The following LRIF1 variants were observed in gnomAD, a reference collection of about 807,000 sequenced individuals.
LRIF1 encodes ligand dependent nuclear receptor interacting factor 1.
A neutral mutation model predicts 52.7 loss-of-function variants in LRIF1; 32 were observed. That is an observed-to-expected ratio of 0.61 (90% CI 0.46 to 0.82). LRIF1 has a LOEUF of 0.82. Ranked by LOEUF, LRIF1 falls within the 40% of genes least tolerant of loss-of-function variation. The pLI is 0.00. For synonymous variants in LRIF1, 323 were observed against 317.4 expected (o/e 1.02, Z -0.19); for missense variants, 887 against 892.0 (o/e 0.99, Z 0.07).
the LRIF1 span, among the ~76,000 whole-genome samples, chr1:110,924,971 A>T: frequency 1.3e-5 from 2 of 152,238 alleles, no homozygotes; most frequent in African/African-American, 4.8e-5. Flanking sequence ...AAAGTATTTC[A>T]CATAATTTTA....
intron 1 of LRIF1, among the ~76,000 whole-genome samples, chr1:110,963,134 G>T (rs1453189101): frequency 6.6e-6 from 1 of 152,186 alleles, no homozygotes; most frequent in Non-Finnish European, 1.5e-5. Flanking sequence ...ACTATTACTT[G>T]AAATTTTAAA....
At chr1:110,906,761 TA>T in the LRIF1 span, among the ~76,000 whole-genome samples, 1 of 152,162 alleles carries the variant, frequency 6.6e-6, no homozygotes, top group African/African-American at 2.4e-5. Flanking sequence ...AATTGGGCTA[TA>T]GATTCAATGC....
chr1:110,957,589 A>G lies in LRIF1; in HGVS notation c.69-4774T>C, dbSNP rs549785131. Among the ~76,000 whole-genome samples, 24 of 151,686 alleles carry G rather than the reference A, an allele frequency of 1.6e-4. No individual in the cohort carries two copies. In the South Asian group the frequency reaches 4.8e-3, roughly 30 times the overall value. On this transcript the variant is annotated intron_variant, in intron 1 of 3. Coordinates refer to ENST00000369763, the MANE Select transcript of LRIF1 (RefSeq NM_018372.4). ...TCCTTTTATTCCTGTCCCCTACTGG[A>G]ATTGACATCAGTTCCATATTTGTGA...
chr1:110,887,675 T>C, the LRIF1 span, among the ~76,000 whole-genome samples: 97,348 of 152,042 alleles, frequency 0.64, 33,217 homozygotes, highest in Non-Finnish European at 0.77. Context: ...TTACTGAGGC[T>C]ACATCCTTCT....
chr1:110,876,592 G>A, the LRIF1 span, among the ~76,000 whole-genome samples: 6 of 152,022 alleles, frequency 3.9e-5, no homozygotes, highest in Non-Finnish European at 7.4e-5. Context: ...ACTTGTTAAA[G>A]TAAATTTGAA....
downstream of LRIF1, among the ~76,000 whole-genome samples, chr1:110,946,194 A>G (rs1226719242): frequency 6.6e-6 from 1 of 152,232 alleles, no homozygotes; most frequent in Non-Finnish European, 1.5e-5. Context: ...ACATGGATAA[A>G]CCTTGAAAAC....
At chr1:110,963,576 C>A in intron 1 of LRIF1, 45 bp downstream of exon 1, 1 of 1,540,948 alleles carries the variant, frequency 6.5e-7, no homozygotes, top group East Asian at 2.3e-5. Context: ...ATCCCTAAGA[C>A]GGACAGAGGG....
At chr1:110,928,978 T>C in the LRIF1 span, among the ~76,000 whole-genome samples, 1 of 152,194 alleles carries the variant, frequency 6.6e-6, no homozygotes, top group Non-Finnish European at 1.5e-5. Flanking sequence ...AAGACTTTGC[T>C]TTAAACCTTT....
the LRIF1 span, chr1:110,892,562 C>T: frequency 1.3e-6 from 2 of 1,569,686 alleles, no homozygotes; most frequent in East Asian, 2.2e-5. Flanking sequence ...TGTGGTGCCC[C>T]AAGTCGGGGA....
the LRIF1 span, among the ~76,000 whole-genome samples, chr1:110,902,294 C>T: frequency 9.9e-5 from 15 of 152,122 alleles, no homozygotes; most frequent in African/African-American, 3.6e-4. Context: ...TCCAGCCTTC[C>T]TCTTGCCATT....
At chr1:110,957,525 T>C (rs943359949) in intron 1 of LRIF1, among the ~76,000 whole-genome samples, 1 of 149,532 alleles carries the variant, frequency 6.7e-6, no homozygotes, top group Non-Finnish European at 1.5e-5. Context: ...TCAACTATTT[T>C]CAACTATCTT....
the LRIF1 span, among the ~76,000 whole-genome samples, chr1:110,876,170 C>G: frequency 2.0e-5 from 3 of 152,202 alleles, no homozygotes; most frequent in Non-Finnish European, 4.4e-5. Context: ...TAAATAGGAG[C>G]TGTCGCAACT....
rs541219371 is a variant in LRIF1, at chr1:110,949,220, C to T, written c.1869+631G>A. 8.6e-5 allele frequency among the ~76,000 whole-genome samples: 13 copies of T among 151,118 alleles called. No individual in the cohort carries two copies. In the East Asian group the frequency reaches 1.2e-3, roughly 14 times the overall value. ...GCAACCTCTGCCTTCCGGGTTCAAG[C>T]GATTCTCCTGCCCTCAGCTTCCCAA... On this transcript the variant is annotated intron_variant, in intron 3 of 3. Coordinates refer to ENST00000369763, the MANE Select transcript of LRIF1 (RefSeq NM_018372.4).
rs371650112 is a variant in LRIF1 at position 110,947,530 on chromosome 1, A to G, written c.*429T>C. 2.9e-3 allele frequency: 455 copies of G among 155,836 alleles called. 3 individuals carry two copies. The highest frequency in any genetic ancestry group is 9.9e-3 in the African/African-American group (412 of 41,596). 9.7% of individuals were successfully genotyped at this position (155,836 alleles called of 1,614,324 possible). A position where few individuals can be genotyped will look rare whatever the true frequency, so the allele number is the denominator to read the frequency against. On this transcript the variant is annotated 3_prime_UTR_variant, in exon 4 of 4. Coordinates refer to ENST00000369763, the MANE Select transcript of LRIF1 (RefSeq NM_018372.4). Reference sequence around the variant, plus strand: ...AAGGGTAAAGAGATAAAGCAAGTACATATACAAATCCACTGGAAAAGCTAA... The same window carrying G: ...AAGGGTAAAGAGATAAAGCAAGTACGTATACAAATCCACTGGAAAAGCTAA...
Position 110,951,790 on chromosome 1 carries a change from T to C in LRIF1, c.1094A>G (p.Tyr365Cys), listed in dbSNP as rs769511073. 24 of 1,612,416 alleles carry C rather than the reference T, an allele frequency of 1.5e-5. No individual in the cohort carries two copies. The highest frequency in any genetic ancestry group is 1.6e-4 in the Middle Eastern group (1 of 6,082). Reference protein sequence around the residue: ...NALVMFNGKVYLLAKKGTDVL... With the variant: ...NALVMFNGKVCLLAKKGTDVL... ...ATCTGTCCCCTTTTTAGCCAACAGATAGACTTTCCCATTAAACATAACCAA... is the reference window on the plus strand; with the variant it reads ...ATCTGTCCCCTTTTTAGCCAACAGACAGACTTTCCCATTAAACATAACCAA... The change falls in exon 2 of 4, where the codon TAT (tyrosine) becomes TGT (cysteine). Residue 365 changes from tyrosine (Y) to cysteine (C), a missense_variant. By Grantham distance (194) the Tyr-to-Cys change is radical. Coordinates refer to ENST00000369763, the MANE Select transcript of LRIF1 (RefSeq NM_018372.4).
At chr1:110,913,385 G>C in the LRIF1 span, among the ~76,000 whole-genome samples, 81,654 of 151,976 alleles carry the variant, frequency 0.54, 22,594 homozygotes, top group East Asian at 0.69. Flanking sequence ...TACAGAATGA[G>C]AGAAAACATT....
the LRIF1 span, among the ~76,000 whole-genome samples, chr1:110,887,343 C>T: frequency 1.3e-5 from 2 of 152,168 alleles, no homozygotes; most frequent in East Asian, 1.9e-4. Context: ...GGATTACAGG[C>T]GTGAGCCACC....
rs770268414 is a variant in LRIF1, at chr1:110,951,372, G to A, written c.1512C>T (p.Leu504=). 2.5e-6 allele frequency: 4 copies of A among 1,614,096 alleles called. No individual in the cohort carries two copies. The Admixed American group carries it at 5.0e-5, about 20-fold the overall frequency. ...AVIYARKGSV[L]QSIEKISSSV... Reference sequence around the variant, plus strand: ...AGGAACTTATTTTCTCTATGCTCTGGAGGACACTTCCTTTTCTAGCATAAA... The same window carrying A: ...AGGAACTTATTTTCTCTATGCTCTGAAGGACACTTCCTTTTCTAGCATAAA... The change falls in exon 2 of 4, where the codon CTC becomes CTT. Residue 504 remains leucine, a synonymous_variant. Transcript: ENST00000369763.
At chr1:110,878,269 C>T in the LRIF1 span, among the ~76,000 whole-genome samples, 2 of 152,214 alleles carry the variant, frequency 1.3e-5, no homozygotes, top group Non-Finnish European at 2.9e-5. Flanking sequence ...GGAGCCCTCA[C>T]TGGGGCAGAT....
Sources: allele counts gnomAD v4.1 joint callset (sites outside exome capture counted in the v4.1 genomes callset), GRCh38; gene constraint gnomAD v4.1.1; transcripts MANE v1.5; gene names NCBI Gene and HGNC (gene_info 2026-07-23, HGNC 2026-07-21).